The following DCAF4 variants were observed in gnomAD, a reference collection of about 807,000 sequenced individuals.
The protein encoded by DCAF4 is DDB1 and CUL4 associated factor 4.
A neutral mutation model predicts 60.9 loss-of-function variants in DCAF4; 37 were observed. The ratio of observed to expected loss-of-function variants is 0.61; its 90% CI spans 0.47 to 0.80. DCAF4 has a LOEUF of 0.80. DCAF4 is among the 30% of genes least tolerant of loss of function. DCAF4 has a pLI of 0.00. For missense variants in DCAF4, 577 were observed against 650.0 expected, an observed-to-expected ratio of 0.89 and a Z score of 1.22; for synonymous variants, 243 against 254.8, an observed-to-expected ratio of 0.95 and a Z score of 0.44.
intron 9 of DCAF4, among the ~76,000 whole-genome samples, chr14:72,953,557 A>G (rs991883346): frequency 6.6e-6 from 1 of 150,786 alleles, no homozygotes; most frequent in Non-Finnish European, 1.5e-5. Flanking sequence ...CAAAAAATAA[A>G]TAATTAGCCA....
At chr14:72,961,897 G>C, downstream of DCAF4, 1 of 1,134,392 alleles carries the variant, frequency 8.8e-7, no homozygotes, top group Non-Finnish European at 1.1e-6. Context: ...TGTCAAACTG[G>C]TCAGTGGGTT....
At chr14:72,950,833 T>C (rs1891314636) in intron 8 of DCAF4, among the ~76,000 whole-genome samples, 1 of 152,116 alleles carries the variant, frequency 6.6e-6, no homozygotes, top group Non-Finnish European at 1.5e-5. Flanking sequence ...CAAAAGCTGC[T>C]TTGTGTTATT....
intron 7 of DCAF4, 118 bp from the exon 8 acceptor site, chr14:72,947,024 T>C: frequency 1.5e-6 from 2 of 1,357,846 alleles, no homozygotes; most frequent in Non-Finnish European, 2.1e-6. Context: ...TCCAGCCCAT[T>C]TGAAGAGGAG....
chr14:72,929,885 T>A, intron 1 of DCAF4: 3 of 1,472,816 alleles, frequency 2.0e-6, no homozygotes, highest in Non-Finnish European at 2.8e-6. Flanking sequence ...TTGGTCACCT[T>A]GTGGCCCTTG....
chr14:72,938,740 A>G (rs981884735), intron 2 of DCAF4, among the ~76,000 whole-genome samples: 4 of 152,142 alleles, frequency 2.6e-5, no homozygotes, highest in African/African-American at 9.7e-5. Context: ...AATAGGGTAT[A>G]TAAGATTTTT....
chr14:72,955,817 AC>A, intron 12 of DCAF4, 121 bp downstream of exon 12: 1 of 943,360 alleles, frequency 1.1e-6, no homozygotes. Context: ...TTCGCTGAAG[AC>A]CAAGTGATTT....
intron 1 of DCAF4, among the ~76,000 whole-genome samples, chr14:72,927,639 C>T (rs965721520): frequency 1.3e-5 from 2 of 152,078 alleles, no homozygotes; most frequent in Admixed American, 1.3e-4. Context: ...GCGTGAGCCA[C>T]CGCGCCCGGC....
At chr14:72,940,875 G>A (rs1889957232) in intron 4 of DCAF4, among the ~76,000 whole-genome samples, 1 of 152,038 alleles carries the variant, frequency 6.6e-6, no homozygotes, top group Admixed American at 6.5e-5. Flanking sequence ...ACAGGCGTGA[G>A]CCACCACACC....
rs749777308 is a variant in DCAF4 at position 72,954,585 on chromosome 14, CAG to C, written c.1005+103_1005+104del. ...CTGTGTGCCATCTAGTACTCTTTGA[CAG>C]GGGAGAAAGAGCATCAGAAAGGATC... On this transcript the variant is annotated intron_variant, in intron 11 of 13. Transcript: ENST00000358377. The C allele has an allele frequency of 9.2e-5, 98 of 1,068,688 alleles. No homozygotes were observed. The South Asian group carries it at 1.3e-3, about 15-fold the overall frequency. 66.2% of individuals were successfully genotyped at this position (1,068,688 alleles called of 1,614,324 possible).
At chr14:72,935,803 G>C (rs979867657) in intron 1 of DCAF4, among the ~76,000 whole-genome samples, 1 of 152,176 alleles carries the variant, frequency 6.6e-6, no homozygotes, top group African/African-American at 2.4e-5. Context: ...TCACCAGTTC[G>C]TGTGTTCTTT....
Position 72,954,590 on chromosome 14 carries a change from G to C in DCAF4, c.1005+107G>C, listed in dbSNP as rs1892027834. 3.9e-6 allele frequency: 4 copies of C among 1,024,566 alleles called. No individual in the cohort carries two copies. In the Admixed American group the frequency reaches 8.6e-5, roughly 22 times the overall value. 63.5% of individuals were successfully genotyped at this position (1,024,566 alleles called of 1,614,324 possible). Reference sequence around the variant, plus strand: ...TGCCATCTAGTACTCTTTGACAGGGGAGAAAGAGCATCAGAAAGGATCAGT... The same window carrying C: ...TGCCATCTAGTACTCTTTGACAGGGCAGAAAGAGCATCAGAAAGGATCAGT... On this transcript the variant is annotated intron_variant, in intron 11 of 13. Coordinates refer to ENST00000358377, the MANE Select transcript of DCAF4 (RefSeq NM_015604.4).
chr14:72,943,249 G>T (rs12436610), intron 6 of DCAF4, among the ~76,000 whole-genome samples, 153 bp downstream of exon 6: 1 of 152,156 alleles, frequency 6.6e-6, no homozygotes, highest in African/African-American at 2.4e-5. Context: ...TAACCTGCCT[G>T]CTGGCTACCC....
In DCAF4 at chr14:72,929,806, C is replaced by A. The variant is rs1189931140; in HGVS notation, c.-9+3263C>A. The A allele has an allele frequency of 4.3e-6, 5 of 1,151,222 alleles. No individual in the cohort carries two copies. The Admixed American group carries it at 5.1e-5, about 12-fold the overall frequency. 71.3% of individuals were successfully genotyped at this position (1,151,222 alleles called of 1,614,324 possible). ...AAGCCACACACCTCCCGGATCATGT[C>A]CCGCTACAAACTTGGTGCGTTTGCT... is the stretch of plus-strand genomic sequence containing the variant. On this transcript the variant is annotated intron_variant, in intron 1 of 13. Coordinates refer to ENST00000358377, the MANE Select transcript of DCAF4 (RefSeq NM_015604.4).
At chr14:72,947,116 C>G in intron 7 of DCAF4, 26 bp from the exon 8 acceptor site, 24 of 1,614,114 alleles carry the variant, frequency 1.5e-5, no homozygotes, top group Non-Finnish European at 2.0e-5. Flanking sequence ...AATAACTTTC[C>G]ATCTCGCTGT....
At chr14:72,953,828 G>GTA (rs1265763436) in intron 9 of DCAF4, among the ~76,000 whole-genome samples, 1 of 93,706 alleles carries the variant, frequency 1.1e-5, no homozygotes, top group Non-Finnish European at 2.0e-5. Flanking sequence ...GTGTGTGTGT[G>GTA]TATATACACA....
intron 8 of DCAF4, 109 bp downstream of exon 8, chr14:72,947,300 C>T (rs1594776299): frequency 3.2e-6 from 4 of 1,254,528 alleles, no homozygotes; most frequent in East Asian, 2.3e-5. Flanking sequence ...AGGACTAGAC[C>T]CTTGTGCACT....
chr14:72,926,987 C>G, intron 1 of DCAF4: 1 of 152,346 alleles, frequency 6.6e-6, no homozygotes, highest in East Asian at 1.9e-4. Context: ...TCTGTGCTGC[C>G]GGCTTCACAG....
chr14:72,931,034 G>A (rs957646252), intron 1 of DCAF4, among the ~76,000 whole-genome samples: 8 of 152,156 alleles, frequency 5.3e-5, no homozygotes, highest in African/African-American at 1.9e-4. Flanking sequence ...TTTTGAAATT[G>A]CGAGGTGCGA....
At chr14:72,929,874 CT>C in intron 1 of DCAF4, 1 of 1,472,932 alleles carries the variant, frequency 6.8e-7, no homozygotes, top group Non-Finnish European at 9.3e-7. Context: ...TGCTCACGTT[CT>C]TGGTCACCTT....
Sources: gnomAD v4.1 joint callset for allele counts (sites outside exome capture counted in the v4.1 genomes callset) on GRCh38, gnomAD v4.1.1 for gene constraint, MANE v1.5 for transcripts, NCBI Gene and HGNC (gene_info 2026-07-23, HGNC 2026-07-21) for gene names.